The following ZNF83 variants were observed in gnomAD, a reference collection of about 807,000 sequenced individuals.
The protein encoded by ZNF83 is zinc finger protein 816B.
For synonymous variants in ZNF83, 209 were observed against 213.0 expected (o/e 0.98, Z 0.17); for missense variants, 552 against 629.9 (o/e 0.88, Z 1.32).
chr19:52,614,923 T>C, intron 2 of ZNF83, 126 bp from the exon 3 acceptor site: 1 of 952,528 alleles, frequency 1.0e-6, no homozygotes. Context: ...AAACTCCCAT[T>C]CATGATTTTT....
chr19:52,689,509 C>A lies in ZNF83; in HGVS notation c.-283+934G>T, dbSNP rs561237846. ...TCTGCCCTGGCTCCAAATCCCTCCT[C>A]CTCTCCCTCACCCTGATGAGCCTCC... On this transcript the variant is annotated intron_variant, in intron 1 of 5. Coordinates refer to the ZNF83 transcript ENST00000594682. Among the ~76,000 whole-genome samples, 45 of 152,278 alleles carry A rather than the reference C, an allele frequency of 3.0e-4. 1 individual carries two copies. Among genetic ancestry groups the A allele is most frequent in the African/African-American group, 1.0e-3 (42 of 41,552 alleles).
chr19:52,619,393 T>TG (rs1290195126), intron 2 of ZNF83, among the ~76,000 whole-genome samples: 1 of 152,186 alleles, frequency 6.6e-6, no homozygotes, highest in African/African-American at 2.4e-5. Context: ...TTTGGGAGGC[T>TG]GAGGCAGGTG....
intron 1 of ZNF83, among the ~76,000 whole-genome samples, chr19:52,675,518 G>A (rs932833999): frequency 6.6e-5 from 10 of 152,088 alleles, no homozygotes; most frequent in Non-Finnish European, 1.2e-4. Flanking sequence ...TGCACACACT[G>A]ATTTAAGCGG....
chr19:52,637,245 C>T (rs1403907779), intron 1 of ZNF83, among the ~76,000 whole-genome samples: 2 of 152,070 alleles, frequency 1.3e-5, no homozygotes, highest in Admixed American at 6.6e-5. Context: ...TCTGTGCATC[C>T]TCTGCTCTCC....
At chr19:52,613,882 G>A (rs373689672) in exon 3 of ZNF83, 5 of 1,614,008 alleles carry the variant, frequency 3.1e-6, no homozygotes, top group Non-Finnish European at 4.2e-6. Flanking sequence ...TTTTTCTCCA[G>A]TATGAATTGT....
chr19:52,618,659 A>T, intron 2 of ZNF83: 1 of 480,798 alleles, frequency 2.1e-6, no homozygotes, highest in Non-Finnish European at 3.4e-6. Flanking sequence ...GGCCTCCCAA[A>T]GTGCTGGGAT....
chr19:52,616,195 GC>G, intron 2 of ZNF83, among the ~76,000 whole-genome samples: 1 of 152,130 alleles, frequency 6.6e-6, no homozygotes, highest in East Asian at 1.9e-4. Flanking sequence ...AATATTCCTA[GC>G]CGTCTACCAA....
At chr19:52,686,523 T>C (rs2062019693) in intron 1 of ZNF83, among the ~76,000 whole-genome samples, 2 of 151,238 alleles carry the variant, frequency 1.3e-5, no homozygotes, top group Admixed American at 1.3e-4. Context: ...AAGAAATCTA[T>C]TACACAACAA....
At chr19:52,671,769 TGTTA>T (rs2061730090) in intron 1 of ZNF83, among the ~76,000 whole-genome samples, 1 of 152,210 alleles carries the variant, frequency 6.6e-6, no homozygotes. Context: ...GTGTTTTCTT[TGTTA>T]TTCTCTCCTG....
intron 1 of ZNF83, among the ~76,000 whole-genome samples, chr19:52,661,713 T>C (rs1191427737): frequency 1.3e-5 from 2 of 152,132 alleles, no homozygotes; most frequent in Non-Finnish European, 2.9e-5. Flanking sequence ...GGGGACTTGT[T>C]CCCACCAGGA....
In ZNF83 at chr19:52,685,897, C is replaced by CA. The variant is rs3055370; in HGVS notation, c.-283+4545dup. 3.2e-3 allele frequency among the ~76,000 whole-genome samples: 419 copies of CA among 132,350 alleles called. 11 individuals are homozygous for CA. The highest frequency in any genetic ancestry group is 0.012 in the East Asian group (51 of 4,104). 86.8% of individuals were successfully genotyped at this position (132,350 alleles called of 152,430 possible). On this transcript the variant is annotated intron_variant, in intron 1 of 5. Coordinates refer to the ZNF83 transcript ENST00000594682. ...CTGGGGAACAAGAGTGTAACTGTCA[C>CA]AAAAAAAAAAAAAAAAAAAAAAAAA...
intron 1 of ZNF83, among the ~76,000 whole-genome samples, chr19:52,676,678 A>T (rs1192014693): frequency 7.3e-6 from 1 of 137,080 alleles, no homozygotes; most frequent in Admixed American, 7.2e-5. Context: ...GCTTTGTGGA[A>T]TAGAAAGCGG....
At chr19:52,614,896 T>C (rs915106390) in intron 2 of ZNF83, 99 bp from the exon 3 acceptor site, 6 of 1,101,444 alleles carry the variant, frequency 5.4e-6, no homozygotes, top group African/African-American at 4.9e-5. Context: ...GTAATACTTA[T>C]GTTAAAGAAA....
chr19:52,634,005 C>T lies in ZNF83; in HGVS notation c.-234+1061G>A, dbSNP rs551992590. ...ATTGGTGGGGCTGGGCACCGTGGCT[C>T]GCGCCTGTAATCACAGCACTATAGG... On this transcript the variant is annotated intron_variant, in intron 2 of 2. Transcript: ENST00000301096. 1.5e-4 allele frequency among the ~76,000 whole-genome samples: 22 copies of T among 151,638 alleles called. No homozygotes were observed. The South Asian group carries it at 2.9e-3, about 20-fold the overall frequency.
intron 2 of ZNF83, among the ~76,000 whole-genome samples, chr19:52,627,175 A>G (rs2060772851): frequency 6.8e-6 from 1 of 147,568 alleles, no homozygotes; most frequent in Non-Finnish European, 1.5e-5. Context: ...TGCTTACCCC[A>G]GGCCTATAAA....
chr19:52,634,727 G>C (rs6509659), intron 2 of ZNF83, among the ~76,000 whole-genome samples: 100,747 of 151,992 alleles, frequency 0.66, 33,978 homozygotes, highest in African/African-American at 0.72. Flanking sequence ...TCTAATCCTG[G>C]TCCACAGAGA....
intron 1 of ZNF83, among the ~76,000 whole-genome samples, chr19:52,668,624 G>T (rs1295805578): frequency 6.6e-6 from 1 of 152,152 alleles, no homozygotes; most frequent in East Asian, 1.9e-4. Context: ...ACAAAAGCAA[G>T]TTCTCAGTAG....
intron 2 of ZNF83, among the ~76,000 whole-genome samples, chr19:52,631,864 A>G (rs539321185): frequency 6.6e-6 from 1 of 152,164 alleles, no homozygotes; most frequent in South Asian, 2.1e-4. Context: ...TCCATCGTGG[A>G]AATCTATCCT....
At chr19:52,681,666 A>C (rs1457506012) in intron 1 of ZNF83, among the ~76,000 whole-genome samples, 2 of 152,344 alleles carry the variant, frequency 1.3e-5, no homozygotes, top group Middle Eastern at 3.4e-3. Context: ...CACTGAATCC[A>C]GATGTCTGGG....
Sources: gnomAD v4.1 joint callset for allele counts (sites outside exome capture counted in the v4.1 genomes callset) on GRCh38, gnomAD v4.1.1 for gene constraint, MANE v1.5 for transcripts, NCBI Gene and HGNC (gene_info 2026-07-23, HGNC 2026-07-21) for gene names.